The following OR51G2 variants were observed in gnomAD, a reference collection of about 807,000 sequenced individuals.
OR51G2 encodes olfactory receptor 51G2.
In OR51G2, 13 loss-of-function variants were observed where a neutral mutation model predicts 11.8. The ratio of observed to expected loss-of-function variants is 1.10; its 90% CI spans 0.72 to 1.76. The LOEUF (loss-of-function observed/expected upper bound fraction) is 1.76. OR51G2 is among the 40% of genes most tolerant of loss of function. The pLI is 0.00. For synonymous variants in OR51G2, 178 were observed against 151.9 expected (o/e 1.17, Z -1.26); for missense variants, 474 against 394.4 (o/e 1.20, Z -1.71).
rs1358625049 is a variant in OR51G2, at chr11:4,913,540, T to C, written c.*1179A>G. The stretch of plus-strand genomic sequence containing the variant: ...CTATATTGACATGTATTACTCAAAA[T>C]ATAACTTTTATCTAGAATGTCTTGG... On this transcript the variant is annotated 3_prime_UTR_variant, in exon 2 of 2. Transcript: ENST00000641926. The C allele has an allele frequency of 2.6e-5, 4 of 152,182 alleles. No individual in the cohort carries two copies. The highest frequency in any genetic ancestry group is 2.6e-4 in the Admixed American group (4 of 15,278). The allele number at this position is 152,182 out of a possible 1,614,324, so 9.4% of individuals were successfully genotyped here.
Position 4,914,509 on chromosome 11 carries a change from T to C in OR51G2, c.*210A>G, listed in dbSNP as rs532557778. The C allele has an allele frequency of 5.8e-6, 3 of 515,730 alleles. No individual in the cohort carries two copies. Among genetic ancestry groups the C allele is most frequent in the Non-Finnish European group, 1.0e-5 (3 of 291,258 alleles). The allele number at this position is 515,730 out of a possible 1,614,324, so 31.9% of individuals were successfully genotyped here. A position where few individuals can be genotyped will look rare whatever the true frequency, so the allele number is the denominator to read the frequency against. On this transcript the variant is annotated 3_prime_UTR_variant, in exon 2 of 2. Coordinates refer to ENST00000641926, the MANE Select transcript of OR51G2 (RefSeq NM_001005238.2). ...TTAGAATTATTGCTGTGGCTATTTT[T>C]AGAAAATAAAATTTACCACATCATA...
Position 4,914,617 on chromosome 11 carries a change from G to A in OR51G2, c.*102C>T. The A allele has an allele frequency of 2.5e-6, 2 of 791,216 alleles. No homozygotes were observed. The highest frequency in any genetic ancestry group is 2.0e-6 in the Non-Finnish European group (1 of 492,746). The allele number at this position is 791,216 out of a possible 1,614,324, so 49.0% of individuals were successfully genotyped here. A position where few individuals can be genotyped will look rare whatever the true frequency, so the allele number is the denominator to read the frequency against. ...TAACTCATCCCTGTACATGTTTGTT[G>A]AGTAAGTAAATGTCTCCTTTATTTT... On this transcript the variant is annotated 3_prime_UTR_variant, in exon 2 of 2. Coordinates refer to ENST00000641926, the MANE Select transcript of OR51G2 (RefSeq NM_001005238.2).
chr11:4,917,282 G>GA (rs1240538804), intron 1 of OR51G2, among the ~76,000 whole-genome samples: 1 of 151,970 alleles, frequency 6.6e-6, no homozygotes, highest in Non-Finnish European at 1.5e-5. Flanking sequence ...CAGAAGCTTA[G>GA]AAAAAATTAT....
intron 1 of OR51G2, among the ~76,000 whole-genome samples, chr11:4,917,947 AT>A: frequency 6.6e-6 from 1 of 151,520 alleles, no homozygotes; most frequent in Non-Finnish European, 1.5e-5. Context: ...TAATGTCAAA[AT>A]AAACCTAAGG....
Position 4,915,715 on chromosome 11 carries a change from A to C in OR51G2, c.-52T>G. 7.7e-7 allele frequency: 1 copy of C among 1,303,102 alleles called. No individual in the cohort carries two copies. The highest frequency in any genetic ancestry group is 2.3e-5 in the East Asian group (1 of 42,910). The allele number at this position is 1,303,102 out of a possible 1,614,324, so 80.7% of individuals were successfully genotyped here. Reference sequence around the variant, plus strand: ...GGTGCCCTCCAAAATCCTGAAGTAAATTGAGGCAGTACTGGTGATTGCACC... The same window carrying C: ...GGTGCCCTCCAAAATCCTGAAGTAACTTGAGGCAGTACTGGTGATTGCACC... On this transcript the variant is annotated 5_prime_UTR_variant, in exon 2 of 2. Coordinates refer to ENST00000641926, the MANE Select transcript of OR51G2 (RefSeq NM_001005238.2).
At position 4,913,944 on chromosome 11, in the gene OR51G2, C is replaced by T. The variant is rs1488572903; in HGVS notation, c.*775G>A. The stretch of plus-strand genomic sequence containing the variant: ...TCCCCCAGCTAGGGGAAGACAACTC[C>T]CAAACCAATTTCTTTTTTCTTTGAA... On this transcript the variant is annotated 3_prime_UTR_variant, in exon 2 of 2. Coordinates refer to ENST00000641926, the MANE Select transcript of OR51G2 (RefSeq NM_001005238.2). 1 of 152,162 alleles carries T rather than the reference C, an allele frequency of 6.6e-6. No individual in the cohort carries two copies. Among genetic ancestry groups the T allele is most frequent in the African/African-American group, 2.4e-5 (1 of 41,416 alleles). 9.4% of individuals were successfully genotyped at this position (152,162 alleles called of 1,614,324 possible). A position where few individuals can be genotyped will look rare whatever the true frequency, so the allele number is the denominator to read the frequency against.
rs12802922 is a variant in OR51G2, at chr11:4,914,380, C to T, written c.*339G>A. 0.097 allele frequency: 19,778 copies of T among 204,624 alleles called. 1,212 individuals are homozygous for T. Among genetic ancestry groups the T allele is most frequent in the Middle Eastern group, 0.17 (89 of 536 alleles). The allele number at this position is 204,624 out of a possible 1,614,324, so 12.7% of individuals were successfully genotyped here. ...AGATACATGGGCTATTTCCACAATA[C>T]TCAATTCATGAGGCATTTACAAATT... On this transcript the variant is annotated 3_prime_UTR_variant, in exon 2 of 2. Coordinates refer to ENST00000641926, the MANE Select transcript of OR51G2 (RefSeq NM_001005238.2).
intron 1 of OR51G2, among the ~76,000 whole-genome samples, chr11:4,917,645 G>T (rs1377337143): frequency 6.6e-6 from 1 of 152,142 alleles, no homozygotes; most frequent in Non-Finnish European, 1.5e-5. Context: ...GTGATCAGTG[G>T]TTACCACATT....
In OR51G2 at chr11:4,915,646, C is replaced by A. The variant is rs749701985; in HGVS notation, c.18G>T (p.Leu6=). ...CAGAAACGCTGCTGCTGCTGTTTCC[C>A]AGGGATCCCAGGGTCATTGTGTGAG... The part of the protein sequence containing the change: MTLGS[L]GNSSSSVSAT... The change falls in exon 2 of 2, where the codon CTG becomes CTT. Residue 6 remains leucine, a synonymous_variant. Coordinates refer to ENST00000641926, the MANE Select transcript of OR51G2 (RefSeq NM_001005238.2). 1 of 1,611,922 alleles carries A rather than the reference C, an allele frequency of 6.2e-7. No individual in the cohort carries two copies. The highest frequency in any genetic ancestry group is 8.5e-7 in the Non-Finnish European group (1 of 1,178,792).
At position 4,915,566 on chromosome 11, in the gene OR51G2, G is replaced by C; in HGVS notation, c.98C>G (p.Ser33Cys). Residue 33 changes from serine to cysteine, a missense_variant, in exon 2 of 2, where the codon TCC becomes TGC. Physicochemically the swap from Ser to Cys is moderately radical, Grantham distance 112 (BLOSUM62 -1). Transcript: ENST00000641926. The part of the protein sequence containing the change: ...PGLERMHIWI[S>C]IPLCFMYLVS... ...CAGATACATGAAGCACAGTGGGATGGAGATCCAGATGTGCATGCGCTCCAG... is the reference window on the plus strand; with the variant it reads ...CAGATACATGAAGCACAGTGGGATGCAGATCCAGATGTGCATGCGCTCCAG... 6.2e-7 allele frequency: 1 copy of C among 1,614,010 alleles called. No homozygotes were observed. Among genetic ancestry groups the C allele is most frequent in the Non-Finnish European group, 8.5e-7 (1 of 1,179,954 alleles).
At chr11:4,917,513 G>A (rs1167428357) in intron 1 of OR51G2, among the ~76,000 whole-genome samples, 1 of 152,118 alleles carries the variant, frequency 6.6e-6, no homozygotes, top group African/African-American at 2.4e-5. Flanking sequence ...CACACATAAA[G>A]ATATACACAG....
In OR51G2 at chr11:4,915,311, G is replaced by A; in HGVS notation, c.353C>T (p.Ser118Phe). 1 of 1,614,026 alleles carries A rather than the reference G, an allele frequency of 6.2e-7. No individual in the cohort carries two copies. Among genetic ancestry groups the A allele is most frequent in the Non-Finnish European group, 8.5e-7 (1 of 1,179,998 alleles). Residue 118 changes from serine (S) to phenylalanine (F), a missense_variant, in exon 2 of 2, where the codon TCT (serine) becomes TTT (phenylalanine). Coordinates refer to ENST00000641926, the MANE Select transcript of OR51G2 (RefSeq NM_001005238.2). ...FIHCFSFLES[S>F]VLLSMAFDRF... ...GTCAAAGGCCATAGACAGTAGCACA[G>A]AGGACTCGAGGAAGGAGAAGCAGTG... is the stretch of plus-strand genomic sequence containing the variant.
chr11:4,915,828 T>G (rs1851080234), intron 1 of OR51G2, 89 bp from the exon 2 acceptor site: 1 of 522,132 alleles, frequency 1.9e-6, no homozygotes, highest in Non-Finnish European at 3.4e-6. Context: ...GGTCCTTGAC[T>G]TCCTCTCAGT....
In OR51G2 at chr11:4,912,692, G is replaced by A. The variant is rs1851009562; in HGVS notation, c.*2027C>T. 1 of 152,050 alleles carries A rather than the reference G, an allele frequency of 6.6e-6. No homozygotes were observed. The highest frequency in any genetic ancestry group is 1.5e-5 in the Non-Finnish European group (1 of 68,014). The allele number at this position is 152,050 out of a possible 1,614,324, so 9.4% of individuals were successfully genotyped here. On this transcript the variant is annotated 3_prime_UTR_variant, in exon 2 of 2. Transcript: ENST00000641926. ...TTGAGCCTTAAAAAATGTGATTATGGGATCTGAGTTACGTAACAGGCAGCT... is the reference window on the plus strand; with the variant it reads ...TTGAGCCTTAAAAAATGTGATTATGAGATCTGAGTTACGTAACAGGCAGCT...
chr11:4,915,061 G>A lies in OR51G2; in HGVS notation c.603C>T (p.Ser201=). ...AGACGATGACAAACATGCCGTAGAT[G>A]CTGTTGGCCTTCATGTCGGCACAGG... ...KLACADMKAN[S]IYGMFVIVST... is the part of the protein sequence containing the mutation. The change falls in exon 2 of 2, where the codon AGC becomes AGT. Residue 201 remains serine, a synonymous_variant. Coordinates refer to ENST00000641926, the MANE Select transcript of OR51G2 (RefSeq NM_001005238.2). 6.2e-7 allele frequency: 1 copy of A among 1,614,094 alleles called. No individual in the cohort carries two copies. The highest frequency in any genetic ancestry group is 8.5e-7 in the Non-Finnish European group (1 of 1,179,998).
rs1052384387 is a variant in OR51G2 at position 4,912,588 on chromosome 11, G to A, written c.*2131C>T. 1.3e-5 allele frequency: 2 copies of A among 151,980 alleles called. No individual in the cohort carries two copies. Among genetic ancestry groups the A allele is most frequent in the African/African-American group, 4.8e-5 (2 of 41,376 alleles). 9.4% of individuals were successfully genotyped at this position (151,980 alleles called of 1,614,324 possible). On this transcript the variant is annotated 3_prime_UTR_variant, in exon 2 of 2. Transcript: ENST00000641926. ...ATTTGCTGTGTACAACTAATCATAGGCCTTTTGCATGTTAATACACACAAT... is the reference window on the plus strand; with the variant it reads ...ATTTGCTGTGTACAACTAATCATAGACCTTTTGCATGTTAATACACACAAT...
Position 4,912,599 on chromosome 11 carries a change from G to A in OR51G2, c.*2120C>T, listed in dbSNP as rs913928638. 6.6e-6 allele frequency: 1 copy of A among 152,090 alleles called. No homozygotes were observed. The highest frequency in any genetic ancestry group is 2.4e-5 in the African/African-American group (1 of 41,412). The allele number at this position is 152,090 out of a possible 1,614,324, so 9.4% of individuals were successfully genotyped here. A position where few individuals can be genotyped will look rare whatever the true frequency, so the allele number is the denominator to read the frequency against. On this transcript the variant is annotated 3_prime_UTR_variant, in exon 2 of 2. Coordinates refer to ENST00000641926, the MANE Select transcript of OR51G2 (RefSeq NM_001005238.2). ...ACAACTAATCATAGGCCTTTTGCATGTTAATACACACAATTCACATATACA... is the reference window on the plus strand; with the variant it reads ...ACAACTAATCATAGGCCTTTTGCATATTAATACACACAATTCACATATACA...
Position 4,914,841 on chromosome 11 carries a change from G to T in OR51G2, c.823C>A (p.His275Asn). The T allele has an allele frequency of 6.2e-7, 1 of 1,614,032 alleles. No individual in the cohort carries two copies. Among genetic ancestry groups the T allele is most frequent in the Non-Finnish European group, 8.5e-7 (1 of 1,179,968 alleles). Reference sequence around the variant, plus strand: ...AAACCCATGACCACCTGGACCAGGTGGGGTGCCTGCTTTCCAAAGCGATGG... The same window carrying T: ...AAACCCATGACCACCTGGACCAGGTTGGGTGCCTGCTTTCCAAAGCGATGG... Reference protein sequence around the residue: ...VIHRFGKQAPHLVQVVMGFMY... With the variant: ...VIHRFGKQAPNLVQVVMGFMY... Residue 275 changes from histidine to asparagine, a missense_variant, in exon 2 of 2, where the codon CAC (histidine) becomes AAC (asparagine). By Grantham distance (68) the His-to-Asn change is moderately conservative. Transcript: ENST00000641926.
Position 4,915,612 on chromosome 11 carries a change from G to A in OR51G2, c.52C>T (p.Leu18=). Residue 18 remains leucine, a synonymous_variant, in exon 2 of 2, where the codon CTG becomes TTG. Coordinates refer to ENST00000641926, the MANE Select transcript of OR51G2 (RefSeq NM_001005238.2). ...TCCAGCCCAGGGATGCCACTCAGCAGGAAGGTAGCAGAAACGCTGCTGCTG... is the reference window on the plus strand; with the variant it reads ...TCCAGCCCAGGGATGCCACTCAGCAAGAAGGTAGCAGAAACGCTGCTGCTG... ...NSSSSVSATF[L]LSGIPGLERM... The A allele has an allele frequency of 6.2e-7, 1 of 1,614,064 alleles. No homozygotes were observed. Among genetic ancestry groups the A allele is most frequent in the Non-Finnish European group, 8.5e-7 (1 of 1,179,976 alleles).
Sources: allele counts gnomAD v4.1 joint callset (sites outside exome capture counted in the v4.1 genomes callset), GRCh38; gene constraint gnomAD v4.1.1; transcripts MANE v1.5; gene names NCBI Gene and HGNC (gene_info 2026-07-23, HGNC 2026-07-21).